Variants in PDE1C observed in about 807,000 individuals in gnomAD.
PDE1C encodes phosphodiesterase 1C.
A neutral mutation model predicts 93.1 loss-of-function variants in PDE1C; 62 were observed. The ratio of observed to expected loss-of-function variants is 0.67; its 90% CI spans 0.54 to 0.82. The LOEUF (loss-of-function observed/expected upper bound fraction) is 0.82, where lower values mean the gene tolerates loss of function less well. PDE1C is among the 40% of genes least tolerant of loss of function. The pLI is 0.00. For synonymous variants in PDE1C, 325 were observed against 310.1 expected, an observed-to-expected ratio of 1.05 and a Z score of -0.50; for missense variants, 742 against 884.6, an observed-to-expected ratio of 0.84 and a Z score of 2.04.
intron 1 of PDE1C, among the ~76,000 whole-genome samples, chr7:32,248,053 G>A (rs1272223411): frequency 6.6e-6 from 1 of 152,218 alleles, no homozygotes; most frequent in South Asian, 2.1e-4. Flanking sequence ...GTGGGCAGGA[G>A]CACAGGATGG....
intron 2 of PDE1C, among the ~76,000 whole-genome samples, chr7:32,193,308 G>T (rs1804366192): frequency 6.6e-6 from 1 of 152,054 alleles, no homozygotes; most frequent in African/African-American, 2.4e-5. Context: ...TCCTTATCAA[G>T]TTGAAGAAAT....
intron 1 of PDE1C, among the ~76,000 whole-genome samples, chr7:32,214,939 T>C (rs552671804): frequency 6.6e-6 from 1 of 152,186 alleles, no homozygotes; most frequent in Non-Finnish European, 1.5e-5. Context: ...CCTGTCAATC[T>C]GGGTTTATCC....
intron 1 of PDE1C, among the ~76,000 whole-genome samples, chr7:32,277,318 C>G (rs1341100187): frequency 6.6e-6 from 1 of 152,170 alleles, no homozygotes; most frequent in Non-Finnish European, 1.5e-5. Flanking sequence ...TGACACTACT[C>G]ATACATGAAT....
intron 2 of PDE1C, among the ~76,000 whole-genome samples, chr7:31,925,394 T>C (rs1803243784): frequency 1.3e-5 from 2 of 152,150 alleles, no homozygotes; most frequent in African/African-American, 2.4e-5. Context: ...GGGAAGACAG[T>C]GGTTCACACA....
chr7:32,207,236 G>A (rs1033276203), intron 2 of PDE1C, among the ~76,000 whole-genome samples: 4 of 151,692 alleles, frequency 2.6e-5, no homozygotes, highest in Non-Finnish European at 5.9e-5. Flanking sequence ...ACAGGCTCTG[G>A]CCACCCGCCC....
At chr7:32,337,817 A>AT (rs1356763794) in intron 1 of PDE1C, among the ~76,000 whole-genome samples, 2 of 152,154 alleles carry the variant, frequency 1.3e-5, no homozygotes, top group African/African-American at 4.8e-5. Context: ...AGAAAAAAAG[A>AT]TGAAGGCTAG....
chr7:32,335,651 A>C (rs1783603815), intron 1 of PDE1C, among the ~76,000 whole-genome samples: 1 of 152,150 alleles, frequency 6.6e-6, no homozygotes, highest in African/African-American at 2.4e-5. Flanking sequence ...GACACCAATC[A>C]TATTGGATTA....
At chr7:32,398,620 C>G (rs980672884) in intron 1 of PDE1C, among the ~76,000 whole-genome samples, 5 of 151,966 alleles carry the variant, frequency 3.3e-5, no homozygotes, top group Non-Finnish European at 5.9e-5. Flanking sequence ...AACTCCTGAC[C>G]TCAAGTGATC....
intron 14 of PDE1C, among the ~76,000 whole-genome samples, chr7:31,820,120 T>G (rs564390249): frequency 6.6e-6 from 1 of 152,194 alleles, no homozygotes; most frequent in South Asian, 2.1e-4. Flanking sequence ...AAATATTCAG[T>G]ATCAGAATAA....
At chr7:32,420,213 GTATATATACATATATA>G (rs1562716715) in intron 1 of PDE1C, among the ~76,000 whole-genome samples, 792 of 15,984 alleles carry the variant, frequency 0.05, 261 homozygotes, top group Non-Finnish European at 0.091. Flanking sequence ...ACATATATAT[GTATATATACATATATA>G]TGTATATATA....
intron 16 of PDE1C, among the ~76,000 whole-genome samples, chr7:31,798,058 C>A (rs1002681363): frequency 1.3e-5 from 2 of 151,698 alleles, no homozygotes; most frequent in African/African-American, 4.8e-5. Flanking sequence ...TCAACTAAGT[C>A]CCCTTACATG....
At chr7:32,041,525 A>G (rs1791808999) in intron 2 of PDE1C, among the ~76,000 whole-genome samples, 2 of 152,208 alleles carry the variant, frequency 1.3e-5, no homozygotes, top group Admixed American at 1.3e-4. Flanking sequence ...TCAGGCAGTG[A>G]CCTCACGAAC....
chr7:32,075,636 A>AC (rs779211904), upstream of PDE1C, among the ~76,000 whole-genome samples: 8 of 152,088 alleles, frequency 5.3e-5, no homozygotes, highest in Non-Finnish European at 1.2e-4. Flanking sequence ...GCCCAGAGGT[A>AC]CCCCCACTCT....
rs187295589 is a variant in PDE1C, at chr7:32,053,845, G to T, written c.102-2265C>A. ...TGTAGGATCCCCTCTCTGAAAGAGC[G>T]CAAATTCTAAAAAGGAAGTTAAGAC... On this transcript the variant is annotated intron_variant, in intron 1 of 17. Coordinates refer to ENST00000396191, the MANE Select transcript of PDE1C (RefSeq NM_001191057.4). Among the ~76,000 whole-genome samples the T allele has an allele frequency of 1.5e-4, 23 of 152,172 alleles. No individual in the cohort carries two copies. The East Asian group carries it at 3.9e-3, about 26-fold the overall frequency.
the PDE1C span, among the ~76,000 whole-genome samples, chr7:31,743,540 G>A: frequency 6.6e-6 from 1 of 151,580 alleles, no homozygotes; most frequent in South Asian, 2.1e-4. Context: ...GCATTGAGAA[G>A]TTCGCTGGAG....
intron 2 of PDE1C, among the ~76,000 whole-genome samples, chr7:31,994,056 T>G (rs1458814140): frequency 6.6e-6 from 1 of 152,054 alleles, no homozygotes; most frequent in Non-Finnish European, 1.5e-5. Context: ...GTCTAATATA[T>G]AAGTCCCATT....
intron 1 of PDE1C, among the ~76,000 whole-genome samples, chr7:32,326,345 G>T (rs904802954): frequency 7.2e-5 from 11 of 152,174 alleles, no homozygotes; most frequent in Admixed American, 7.2e-4. Context: ...TTAAAGCCAT[G>T]ATACTGAATG....
At chr7:32,140,773 G>T (rs1800476571) in intron 3 of PDE1C, among the ~76,000 whole-genome samples, 1 of 152,236 alleles carries the variant, frequency 6.6e-6, no homozygotes, top group Admixed American at 6.5e-5. Flanking sequence ...TGCCACAGAG[G>T]CTGGTGCCTC....
At chr7:32,096,860 T>TAGATAGATAGATAGATAGATAGAC (rs1300516444) in intron 3 of PDE1C, among the ~76,000 whole-genome samples, 29 of 150,518 alleles carry the variant, frequency 1.9e-4, no homozygotes, top group African/African-American at 7.1e-4. Context: ...GATAGATAGA[T>TAGATAGATAGATAGATAGATAGAC]AGACAGACAG....
Sources: allele counts gnomAD v4.1 joint callset (sites outside exome capture counted in the v4.1 genomes callset), GRCh38; gene constraint gnomAD v4.1.1; transcripts MANE v1.5; gene names NCBI Gene and HGNC (gene_info 2026-07-23, HGNC 2026-07-21).